SHC3: variants seen among roughly 807,000 people sequenced by gnomAD.
SHC3 encodes the protein SHC adaptor protein 3.
SHC3 carries 15 observed loss-of-function variants against 60.4 expected under a neutral mutation model. That is an observed-to-expected ratio of 0.25 (90% CI 0.17 to 0.38). The LOEUF (loss-of-function observed/expected upper bound fraction) is 0.38. Among genes scored for constraint, SHC3 ranks in the 10% least tolerant of loss-of-function variants. The pLI, the probability that SHC3 is intolerant of heterozygous loss-of-function variation, is 1.00. For missense variants in SHC3, 677 were observed against 786.1 expected (o/e 0.86, Z 1.66); for synonymous variants, 294 against 325.9 (o/e 0.90, Z 1.05).
chr9:89,138,492 C>G lies in SHC3; in HGVS notation c.475-25866G>C, dbSNP rs1826350399. 2.6e-5 allele frequency among the ~76,000 whole-genome samples: 4 copies of G among 152,334 alleles called. No individual in the cohort carries two copies. In the South Asian group the frequency reaches 6.2e-4, roughly 24 times the overall value. Reference sequence around the variant, plus strand: ...ATAGTGAGGACAACCAGAGGTCACTCTCATTGCCATCTTGGTTTTGGTGGG... The same window carrying G: ...ATAGTGAGGACAACCAGAGGTCACTGTCATTGCCATCTTGGTTTTGGTGGG... On this transcript the variant is annotated intron_variant, in intron 1 of 11. Transcript: ENST00000375835.
chr9:89,034,016 T>G (rs1200509467), intron 11 of SHC3, among the ~76,000 whole-genome samples: 1 of 152,170 alleles, frequency 6.6e-6, no homozygotes, highest in Non-Finnish European at 1.5e-5. Flanking sequence ...AATAAAACAT[T>G]CGGTGACCAA....
chr9:89,036,976 A>AAG (rs936566163), intron 11 of SHC3, among the ~76,000 whole-genome samples: 1 of 151,788 alleles, frequency 6.6e-6, no homozygotes. Context: ...AAAAAAAAAA[A>AAG]AAGAAGGTGG....
At chr9:89,046,110 AG>A (rs1277208913) in intron 8 of SHC3, among the ~76,000 whole-genome samples, 2 of 134,582 alleles carry the variant, frequency 1.5e-5, no homozygotes, top group Non-Finnish European at 3.1e-5. Flanking sequence ...CTGTAAATCA[AG>A]CTCTTCCATA....
intron 5 of SHC3, 102 bp downstream of exon 5, chr9:89,071,097 A>G (rs1825262990): frequency 4.6e-6 from 5 of 1,098,032 alleles, no homozygotes; most frequent in Non-Finnish European, 6.6e-6. Flanking sequence ...TGCCATCACA[A>G]TTAACCTTTT....
intron 11 of SHC3, among the ~76,000 whole-genome samples, chr9:89,029,905 G>A (rs1417455567): frequency 6.6e-6 from 1 of 151,862 alleles, no homozygotes; most frequent in Non-Finnish European, 1.5e-5. Context: ...AAGTCAAATG[G>A]CAGCTATAAA....
chr9:89,110,278 T>C (rs1219856669), intron 2 of SHC3: 2 of 984,580 alleles, frequency 2.0e-6, no homozygotes, highest in Non-Finnish European at 1.2e-6. Flanking sequence ...ATTAAACAGA[T>C]AATTAGGGAT....
chr9:89,099,946 T>C (rs535436514), intron 2 of SHC3, among the ~76,000 whole-genome samples: 1 of 152,240 alleles, frequency 6.6e-6, no homozygotes, highest in South Asian at 2.1e-4. Context: ...CATAGTTATT[T>C]TCTCTGAATT....
At chr9:89,034,369 T>C (rs1057398562) in intron 11 of SHC3, among the ~76,000 whole-genome samples, 1 of 152,216 alleles carries the variant, frequency 6.6e-6, no homozygotes. Flanking sequence ...AGGACAATCA[T>C]CTAAAAGATA....
chr9:89,156,295 A>G (rs559875926), intron 1 of SHC3, among the ~76,000 whole-genome samples: 29 of 152,278 alleles, frequency 1.9e-4, no homozygotes, highest in African/African-American at 6.5e-4. Context: ...GGAGTTCACC[A>G]TCCTGAAGTG....
chr9:89,037,018 A>G (rs1268988666), intron 11 of SHC3, among the ~76,000 whole-genome samples: 2 of 151,320 alleles, frequency 1.3e-5, no homozygotes, highest in African/African-American at 4.9e-5. Context: ...TTCATGAGGA[A>G]GTGGCTGTCT....
chr9:89,171,551 C>T (rs573258626), intron 1 of SHC3, among the ~76,000 whole-genome samples: 2 of 152,308 alleles, frequency 1.3e-5, no homozygotes, highest in East Asian at 3.9e-4. Flanking sequence ...AGGGGTTCTC[C>T]ACTTCGGGGA....
intron 1 of SHC3, among the ~76,000 whole-genome samples, chr9:89,153,288 T>C (rs1046531295): frequency 6.6e-6 from 1 of 152,102 alleles, no homozygotes; most frequent in Non-Finnish European, 1.5e-5. Context: ...TCATAGGCAA[T>C]CCCCCCAGAA....
chr9:89,171,015 G>A (rs1173383470), intron 1 of SHC3, among the ~76,000 whole-genome samples: 2 of 152,182 alleles, frequency 1.3e-5, no homozygotes, highest in South Asian at 2.1e-4. Context: ...CTTACATTTT[G>A]TCCATCTTCC....
At chr9:89,108,110 G>A (rs1297831568) in intron 2 of SHC3, among the ~76,000 whole-genome samples, 1 of 152,206 alleles carries the variant, frequency 6.6e-6, no homozygotes, top group Non-Finnish European at 1.5e-5. Flanking sequence ...TAGCCTAGGA[G>A]CAATAGGCTA....
At chr9:89,172,606 C>T (rs957997620) in intron 1 of SHC3, among the ~76,000 whole-genome samples, 13 of 151,742 alleles carry the variant, frequency 8.6e-5, no homozygotes, top group South Asian at 2.1e-4. Flanking sequence ...CACACACACA[C>T]GATGGTCAAC....
intron 1 of SHC3, among the ~76,000 whole-genome samples, chr9:89,123,631 G>C (rs1826122247): frequency 6.6e-6 from 1 of 152,168 alleles, no homozygotes; most frequent in Non-Finnish European, 1.5e-5. Context: ...GGGAGTACCG[G>C]CTGCTTTTTG....
At chr9:89,022,864 G>T (rs1334360693) in intron 11 of SHC3, among the ~76,000 whole-genome samples, 1 of 152,198 alleles carries the variant, frequency 6.6e-6, no homozygotes, top group Non-Finnish European at 1.5e-5. Context: ...CTCTTACGGT[G>T]TACTGTCTAT....
chr9:89,142,518 A>G (rs1356985815), intron 1 of SHC3, among the ~76,000 whole-genome samples: 1 of 152,008 alleles, frequency 6.6e-6, no homozygotes, highest in Admixed American at 6.6e-5. Flanking sequence ...TCCCATCTCT[A>G]TTAAAAATAC....
chr9:89,144,663 T>C (rs1349073718), intron 1 of SHC3, among the ~76,000 whole-genome samples: 1 of 152,250 alleles, frequency 6.6e-6, no homozygotes, highest in East Asian at 1.9e-4. Context: ...AATATATTTT[T>C]AATGTATTTA....
Sources: gnomAD v4.1 joint callset for allele counts (sites outside exome capture counted in the v4.1 genomes callset) on GRCh38, gnomAD v4.1.1 for gene constraint, MANE v1.5 for transcripts, NCBI Gene and HGNC (gene_info 2026-07-23, HGNC 2026-07-21) for gene names.